CALN1: variants seen among roughly 807,000 people sequenced by gnomAD.
The protein encoded by CALN1 is calneuron 1.
CALN1 carries 17 observed loss-of-function variants against 30.6 expected under a neutral mutation model. The ratio of observed to expected loss-of-function variants is 0.56; its 90% CI spans 0.38 to 0.83. The LOEUF (loss-of-function observed/expected upper bound fraction) is 0.83, where lower values mean the gene tolerates loss of function less well. Among genes scored for constraint, CALN1 ranks in the 40% least tolerant of loss-of-function variants. The pLI, the probability that CALN1 is intolerant of heterozygous loss-of-function variation, is 0.00. For synonymous variants in CALN1, 156 were observed against 131.4 expected, an observed-to-expected ratio of 1.19 and a Z score of -1.28; for missense variants, 291 against 354.9, an observed-to-expected ratio of 0.82 and a Z score of 1.45.
At chr7:72,279,515 A>C (rs897804284) in intron 2 of CALN1, among the ~76,000 whole-genome samples, 6 of 152,204 alleles carry the variant, frequency 3.9e-5, no homozygotes, top group African/African-American at 1.2e-4. Context: ...ACTCTCACAC[A>C]AAGTTAAAGC....
intron 5 of CALN1, among the ~76,000 whole-genome samples, chr7:71,854,047 TTG>T (rs372232671): frequency 6.0e-5 from 9 of 151,244 alleles, no homozygotes; most frequent in Admixed American, 5.3e-4. Context: ...CTAAATTAAT[TTG>T]TGTGTGTGTG....
chr7:72,294,191 C>A (rs1798687555), intron 2 of CALN1, among the ~76,000 whole-genome samples: 1 of 152,098 alleles, frequency 6.6e-6, no homozygotes, highest in Admixed American at 6.6e-5. Context: ...CCACCTCCCG[C>A]CGCCTTGAAT....
At chr7:71,841,196 T>G (rs1006845774) in intron 5 of CALN1, among the ~76,000 whole-genome samples, 3 of 152,220 alleles carry the variant, frequency 2.0e-5, no homozygotes, top group Non-Finnish European at 4.4e-5. Context: ...GGTAGCTGTG[T>G]TCCACAGGAT....
intron 3 of CALN1, among the ~76,000 whole-genome samples, chr7:72,151,970 G>T (rs75926901): frequency 1.4e-5 from 2 of 146,582 alleles, no homozygotes; most frequent in Non-Finnish European, 3.0e-5. Flanking sequence ...GTGCAGTGGC[G>T]TGATTTCGGC....
intron 2 of CALN1, among the ~76,000 whole-genome samples, chr7:72,312,954 C>A (rs569809350): frequency 6.6e-6 from 1 of 152,192 alleles, no homozygotes; most frequent in South Asian, 2.1e-4. Context: ...CCTGCCTCAG[C>A]CTCCCAAGTA....
At chr7:72,275,039 G>C (rs1797248286) in intron 3 of CALN1, among the ~76,000 whole-genome samples, 1 of 152,028 alleles carries the variant, frequency 6.6e-6, no homozygotes, top group Non-Finnish European at 1.5e-5. Context: ...CCTTACACTG[G>C]AGGAAAGGGA....
intron 3 of CALN1, among the ~76,000 whole-genome samples, chr7:72,155,714 T>C (rs549647211): frequency 6.6e-6 from 1 of 152,252 alleles, no homozygotes; most frequent in African/African-American, 2.4e-5. Context: ...TGTAACAAAT[T>C]ACCCTAACTC....
At chr7:72,007,193 C>T (rs1202663083) in intron 5 of CALN1, among the ~76,000 whole-genome samples, 2 of 152,202 alleles carry the variant, frequency 1.3e-5, no homozygotes, top group African/African-American at 4.8e-5. Flanking sequence ...TGACTTCCAC[C>T]AGCCACGTGA....
chr7:72,112,317 G>A (rs377148712), intron 3 of CALN1, among the ~76,000 whole-genome samples: 17 of 152,170 alleles, frequency 1.1e-4, no homozygotes, highest in African/African-American at 1.7e-4. Context: ...TGGTAATGAA[G>A]AACAACAATT....
At chr7:72,472,049 A>G in the CALN1 span, among the ~76,000 whole-genome samples, 3 of 151,612 alleles carry the variant, frequency 2.0e-5, no homozygotes, top group Non-Finnish European at 4.4e-5. Flanking sequence ...TCGCACCTCG[A>G]CCTCCCAAAG....
Position 72,399,741 on chromosome 7 carries a change from G to A in CALN1, c.119+3510C>T, listed in dbSNP as rs75244283. ...ACATCTAATAGCTCAAGGAACTGGAGGGATATAGCTTGGGTATTTGTCCCC... is the reference window on the plus strand; with the variant it reads ...ACATCTAATAGCTCAAGGAACTGGAAGGATATAGCTTGGGTATTTGTCCCC... On this transcript the variant is annotated intron_variant, in intron 2 of 6. Transcript: ENST00000395275. Among the ~76,000 whole-genome samples the A allele has an allele frequency of 3.4e-4, 52 of 152,298 alleles. No homozygotes were observed. The East Asian group carries it at 9.8e-3, about 29-fold the overall frequency.
intron 2 of CALN1, among the ~76,000 whole-genome samples, chr7:72,330,230 G>C (rs1381273776): frequency 6.6e-6 from 1 of 151,902 alleles, no homozygotes; most frequent in Non-Finnish European, 1.5e-5. Context: ...GAGGTGGAGG[G>C]TGCAGGGAGT....
At chr7:72,092,904 C>T (rs1485280051) in intron 4 of CALN1, among the ~76,000 whole-genome samples, 3 of 152,102 alleles carry the variant, frequency 2.0e-5, no homozygotes, top group Non-Finnish European at 4.4e-5. Context: ...CTCTTTCTGC[C>T]ACAACTCTTG....
In CALN1 at chr7:71,856,615, A is replaced by G. The variant is rs1371187726; in HGVS notation, c.502-46123T>C. Among the ~76,000 whole-genome samples the G allele has an allele frequency of 2.6e-5, 4 of 152,316 alleles. No individual in the cohort carries two copies. In the East Asian group the frequency reaches 7.7e-4, roughly 29 times the overall value. ...ACTGCTTCATTTTCCACTGTTCTGT[A>G]TTTTTATATTTGTTTTCCCAAGACT... On this transcript the variant is annotated intron_variant, in intron 5 of 6. Transcript: ENST00000395275.
At chr7:72,223,659 T>C (rs139025915) in intron 3 of CALN1, among the ~76,000 whole-genome samples, 188 of 152,276 alleles carry the variant, frequency 1.2e-3, no homozygotes, top group African/African-American at 4.3e-3. Flanking sequence ...AAAAAATAAA[T>C]TGTTCTACCC....
chr7:71,818,943 C>T (rs901783318), intron 5 of CALN1, among the ~76,000 whole-genome samples: 7 of 151,628 alleles, frequency 4.6e-5, no homozygotes, highest in African/African-American at 1.2e-4. Flanking sequence ...CTCCTGACCT[C>T]GTGATCTGCC....
chr7:71,948,088 A>T (rs1796498236), intron 5 of CALN1, among the ~76,000 whole-genome samples: 1 of 152,092 alleles, frequency 6.6e-6, no homozygotes, highest in South Asian at 2.1e-4. Context: ...CTTCTCATCG[A>T]AAGGGCGATA....
chr7:72,023,644 T>C lies in CALN1; in HGVS notation c.501+13A>G. The C allele has an allele frequency of 6.2e-7, 1 of 1,603,798 alleles. No individual in the cohort carries two copies. Among genetic ancestry groups the C allele is most frequent in the Non-Finnish European group, 8.5e-7 (1 of 1,172,236 alleles). ...CTGTCAAACTTAGTCTGAAAAAAAA[T>C]ATTCTTACTCACCTGCCAGAATATG... is the stretch of plus-strand genomic sequence containing the variant. On this transcript the variant is annotated intron_variant, in intron 5 of 6. Coordinates refer to ENST00000395275, the MANE Select transcript of CALN1 (RefSeq NM_031468.4).
intron 3 of CALN1, among the ~76,000 whole-genome samples, chr7:72,210,910 G>T (rs1792345768): frequency 6.6e-6 from 1 of 151,756 alleles, no homozygotes; most frequent in South Asian, 2.1e-4. Context: ...AAAAAAATTA[G>T]CTGGGATGGT....
Sources: allele counts gnomAD v4.1 joint callset (sites outside exome capture counted in the v4.1 genomes callset), GRCh38; gene constraint gnomAD v4.1.1; transcripts MANE v1.5; gene names NCBI Gene and HGNC (gene_info 2026-07-23, HGNC 2026-07-21).